Variants in BAZ2B observed in about 807,000 individuals in gnomAD.
BAZ2B encodes bromodomain adjacent to zinc finger domain 2B, also known as bromodomain adjacent to zinc finger domain protein 2B.
In BAZ2B, 91 loss-of-function variants were observed where a neutral mutation model predicts 246.0. The ratio of observed to expected loss-of-function variants is 0.37; its 90% CI spans 0.31 to 0.44. The LOEUF is 0.44. BAZ2B is among the 20% of genes least tolerant of loss of function. BAZ2B has a pLI of 1.00. For synonymous variants in BAZ2B, 855 were observed against 860.0 expected (o/e 0.99, Z 0.10); for missense variants, 2,332 against 2,533.7 (o/e 0.92, Z 1.71).
chr2:159,677,405 G>T, the BAZ2B span, among the ~76,000 whole-genome samples: 1 of 151,878 alleles, frequency 6.6e-6, no homozygotes, highest in African/African-American at 2.4e-5. Context: ...CTAATTATAT[G>T]TAGAAGACAT....
chr2:159,396,781 C>T (rs1159767860), intron 19 of BAZ2B, among the ~76,000 whole-genome samples: 5 of 152,134 alleles, frequency 3.3e-5, no homozygotes, highest in Middle Eastern at 3.4e-3. Flanking sequence ...GAATACGGGT[C>T]ATAATTATAT....
chr2:159,613,625 T>C (rs1695191734), intron 1 of BAZ2B, among the ~76,000 whole-genome samples: 1 of 152,174 alleles, frequency 6.6e-6, no homozygotes, highest in African/African-American at 2.4e-5. Context: ...CAATAATATG[T>C]ACAGTGTTTA....
At chr2:159,701,506 TA>T in the BAZ2B span, among the ~76,000 whole-genome samples, 1 of 151,516 alleles carries the variant, frequency 6.6e-6, no homozygotes, top group Admixed American at 6.6e-5. Flanking sequence ...ATTCAAACTT[TA>T]AAAAAATTCA....
the BAZ2B span, among the ~76,000 whole-genome samples, chr2:159,659,541 T>G: frequency 6.6e-6 from 1 of 152,296 alleles, no homozygotes; most frequent in East Asian, 1.9e-4. Context: ...AAAACTAATT[T>G]GACAATTTTA....
At chr2:159,340,106 T>A (rs2066375583) in intron 31 of BAZ2B, among the ~76,000 whole-genome samples, 1 of 151,450 alleles carries the variant, frequency 6.6e-6, no homozygotes, top group East Asian at 1.9e-4. Context: ...AGCTAAATAA[T>A]TCAATGAATA....
chr2:159,476,312 A>C (rs1326417184), intron 3 of BAZ2B, among the ~76,000 whole-genome samples: 1 of 152,224 alleles, frequency 6.6e-6, no homozygotes, highest in African/African-American at 2.4e-5. Flanking sequence ...TTTAGGTACT[A>C]AAAATATGTG....
chr2:159,350,497 T>G, intron 27 of BAZ2B, 140 bp from the exon 28 acceptor site: 1 of 662,170 alleles, frequency 1.5e-6, no homozygotes, highest in East Asian at 3.1e-5. Flanking sequence ...TATATTTTCC[T>G]TTTTTATAGA....
Position 159,324,799 on chromosome 2 carries a change from T to G in BAZ2B, c.6353+12A>C. On this transcript the variant is annotated intron_variant, in intron 36 of 36. Transcript: ENST00000392783. ...TCAATAAATATTTAGTGAACTGAAA[T>G]GATTTACTTACTGTCCACTACTTAG... 1 of 1,462,266 alleles carries G rather than the reference T, an allele frequency of 6.8e-7. No individual in the cohort carries two copies. The highest frequency in any genetic ancestry group is 1.5e-5 in the African/African-American group (1 of 67,262). The allele number at this position is 1,462,266 out of a possible 1,614,324, so 90.6% of individuals were successfully genotyped here. A position where few individuals can be genotyped will look rare whatever the true frequency, so the allele number is the denominator to read the frequency against.
chr2:159,619,356 T>C (rs1444874229), upstream of BAZ2B, among the ~76,000 whole-genome samples: 1 of 151,710 alleles, frequency 6.6e-6, no homozygotes, highest in East Asian at 1.9e-4. Flanking sequence ...ACCTTGATTT[T>C]AATGTCTTCT....
chr2:159,556,699 T>C (rs542324866), intron 1 of BAZ2B, among the ~76,000 whole-genome samples: 2 of 152,270 alleles, frequency 1.3e-5, no homozygotes, highest in African/African-American at 4.8e-5. Flanking sequence ...TGGCCTCAAG[T>C]GATCCACCTA....
chr2:159,698,426 C>T, the BAZ2B span, among the ~76,000 whole-genome samples: 1 of 151,274 alleles, frequency 6.6e-6, no homozygotes, highest in Admixed American at 6.6e-5. Context: ...ATGACTTGAG[C>T]CCAGGAGTTT....
intron 1 of BAZ2B, among the ~76,000 whole-genome samples, chr2:159,572,261 G>A (rs1312360979): frequency 6.6e-6 from 1 of 152,160 alleles, no homozygotes; most frequent in African/African-American, 2.4e-5. Context: ...ACTTTCCTGA[G>A]CTCAATGAGT....
At chr2:159,489,396 A>G (rs924632799) in intron 2 of BAZ2B, among the ~76,000 whole-genome samples, 1 of 152,202 alleles carries the variant, frequency 6.6e-6, no homozygotes, top group Non-Finnish European at 1.5e-5. Context: ...ATCGAAAAAC[A>G]GTTAAAACTG....
At chr2:159,656,803 T>C in the BAZ2B span, among the ~76,000 whole-genome samples, 1 of 152,206 alleles carries the variant, frequency 6.6e-6, no homozygotes, top group Non-Finnish European at 1.5e-5. Flanking sequence ...CTTTTCTTTA[T>C]ATGTTTAGAT....
intron 2 of BAZ2B, chr2:159,516,688 T>G (rs1451224669): frequency 1.3e-5 from 2 of 152,540 alleles, no homozygotes; most frequent in African/African-American, 4.8e-5. Flanking sequence ...AGCACTTAGA[T>G]CACCAGCAAA....
chr2:159,605,858 A>G (rs766073863), intron 1 of BAZ2B, among the ~76,000 whole-genome samples: 26 of 152,202 alleles, frequency 1.7e-4, no homozygotes, highest in Non-Finnish European at 1.9e-4. Flanking sequence ...GTTCTTTAAA[A>G]CAATTCTTCT....
chr2:159,327,366 G>A (rs917989116), intron 34 of BAZ2B, among the ~76,000 whole-genome samples: 1 of 152,122 alleles, frequency 6.6e-6, no homozygotes, highest in African/African-American at 2.4e-5. Flanking sequence ...TTATTGGCAG[G>A]TTAAAGTATA....
intron 26 of BAZ2B, among the ~76,000 whole-genome samples, chr2:159,374,403 C>G (rs370094386): frequency 2.6e-5 from 4 of 152,062 alleles, no homozygotes. Flanking sequence ...ATATGAAGAG[C>G]TGAAGAGTAT....
At chr2:159,681,459 G>T in the BAZ2B span, among the ~76,000 whole-genome samples, 1 of 146,828 alleles carries the variant, frequency 6.8e-6, no homozygotes, top group African/African-American at 2.5e-5. Flanking sequence ...AAAAAAAAAG[G>T]AAAAAGAAAC....
Sources: allele counts gnomAD v4.1 joint callset (sites outside exome capture counted in the v4.1 genomes callset), GRCh38; gene constraint gnomAD v4.1.1; transcripts MANE v1.5; gene names NCBI Gene and HGNC (gene_info 2026-07-23, HGNC 2026-07-21).